Variants in INPP5A observed in about 807,000 individuals in gnomAD.
The protein encoded by INPP5A is inositol polyphosphate-5-phosphatase A.
A neutral mutation model predicts 65.2 loss-of-function variants in INPP5A; 14 were observed. That is an observed-to-expected ratio of 0.21 (90% CI 0.14 to 0.34). The LOEUF (loss-of-function observed/expected upper bound fraction) is 0.34. Among genes scored for constraint, INPP5A ranks in the 10% least tolerant of loss-of-function variants. The pLI is 1.00. For synonymous variants in INPP5A, 207 were observed against 208.3 expected, an observed-to-expected ratio of 0.99 and a Z score of 0.05; for missense variants, 431 against 545.6, an observed-to-expected ratio of 0.79 and a Z score of 2.09.
intron 1 of INPP5A, among the ~76,000 whole-genome samples, chr10:132,585,744 T>C (rs2071537418): frequency 6.6e-6 from 1 of 152,268 alleles, no homozygotes; most frequent in African/African-American, 2.4e-5. Flanking sequence ...TTCATTCTTT[T>C]TCCACATCCT....
Position 132,741,868 on chromosome 10 carries a change from G to A in INPP5A, c.733-7649G>A, listed in dbSNP as rs1460782805. Among the ~76,000 whole-genome samples the A allele has an allele frequency of 6.6e-6, 1 of 152,202 alleles. No homozygotes were observed. Among genetic ancestry groups the A allele is most frequent in the Non-Finnish European group, 1.5e-5 (1 of 68,048 alleles). On this transcript the variant is annotated intron_variant, in intron 9 of 15. Transcript: ENST00000368594. This position sits in a 1 kb window ranked among gnomAD's most constrained non-coding sequence, Gnocchi z 4.4. ...CTTTACTCCATAGCTGATATAAACT[G>A]CAGCTGGCTGCAGCACCCACGAATG...
intron 4 of INPP5A, among the ~76,000 whole-genome samples, chr10:132,666,597 T>C (rs543209431): frequency 8.3e-4 from 127 of 152,332 alleles, no homozygotes; most frequent in African/African-American, 3.0e-3. Flanking sequence ...TCTTTCCTTC[T>C]GGAGTGCAGC....
At chr10:132,609,754 C>T (rs1442007401) in intron 2 of INPP5A, among the ~76,000 whole-genome samples, 1 of 152,206 alleles carries the variant, frequency 6.6e-6, no homozygotes, top group African/African-American at 2.4e-5. Context: ...ACGCCATTCT[C>T]CTGCCTCAGC....
rs1389150365 is a variant in INPP5A at position 132,587,496 on chromosome 10, T to G, written c.76-20419T>G. Among the ~76,000 whole-genome samples, 1 of 152,138 alleles carries G rather than the reference T, an allele frequency of 6.6e-6. No individual in the cohort carries two copies. The highest frequency in any genetic ancestry group is 1.5e-5 in the Non-Finnish European group (1 of 68,022). On this transcript the variant is annotated intron_variant, in intron 1 of 15. Coordinates refer to ENST00000368594, the MANE Select transcript of INPP5A (RefSeq NM_005539.5). The surrounding 1 kb of genome is among the most constrained non-coding windows in gnomAD (Gnocchi z 4.3). ...GATGCGGCCATACCAGACGGAACCTTTGTCCACAGGGTCCCTGTAACCAGA... is the reference window on the plus strand; with the variant it reads ...GATGCGGCCATACCAGACGGAACCTGTGTCCACAGGGTCCCTGTAACCAGA...
At chr10:132,642,336 C>T (rs183864494) in intron 2 of INPP5A, among the ~76,000 whole-genome samples, 52 of 152,302 alleles carry the variant, frequency 3.4e-4, no homozygotes, top group East Asian at 9.7e-4. Context: ...CTGGTGTCCT[C>T]GGTTCTTCTC....
chr10:132,654,719 G>A (rs1032569259), intron 4 of INPP5A, among the ~76,000 whole-genome samples: 1 of 152,238 alleles, frequency 6.6e-6, no homozygotes, highest in East Asian at 1.9e-4. Context: ...ATTGAAAAAG[G>A]AAATTGAAAT....
At chr10:132,661,001 A>C (rs1465095709) in intron 4 of INPP5A, among the ~76,000 whole-genome samples, 1 of 152,124 alleles carries the variant, frequency 6.6e-6, no homozygotes, top group Non-Finnish European at 1.5e-5. Context: ...GAGGGAGGAA[A>C]ACCAGATCCC....
chr10:132,664,317 A>G (rs1338169554), intron 4 of INPP5A, among the ~76,000 whole-genome samples: 3 of 152,098 alleles, frequency 2.0e-5, no homozygotes, highest in African/African-American at 7.2e-5. Context: ...ATGAACAAAT[A>G]TTTTCTCCAA....
In INPP5A at chr10:132,729,991, C is replaced by T. The variant is rs532175007; in HGVS notation, c.732+3086C>T. 6.6e-4 allele frequency among the ~76,000 whole-genome samples: 101 copies of T among 152,336 alleles called. 2 individuals are homozygous for T. The South Asian group carries it at 7.9e-3, about 12-fold the overall frequency. ...AGTGAGCACCTGTGTCTGAGAGCCG[C>T]CCACACCACCATAAGCCTCACCAGC... On this transcript the variant is annotated intron_variant, in intron 9 of 15. Coordinates refer to ENST00000368594, the MANE Select transcript of INPP5A (RefSeq NM_005539.5).
chr10:132,680,979 T>C (rs1402346543), intron 4 of INPP5A, among the ~76,000 whole-genome samples: 1 of 152,188 alleles, frequency 6.6e-6, no homozygotes, highest in Non-Finnish European at 1.5e-5. Context: ...CCCGACGAGC[T>C]CCGCCCCCTG....
intron 4 of INPP5A, among the ~76,000 whole-genome samples, chr10:132,658,637 G>C (rs777977826): frequency 1.3e-5 from 2 of 152,122 alleles, no homozygotes; most frequent in Non-Finnish European, 2.9e-5. Context: ...TGAGTCCGCC[G>C]GCCCCCCGGG....
At chr10:132,619,744 A>G (rs1329196965) in intron 2 of INPP5A, among the ~76,000 whole-genome samples, 4 of 152,146 alleles carry the variant, frequency 2.6e-5, no homozygotes, top group Non-Finnish European at 5.9e-5. Context: ...CTGCAACTTC[A>G]GTCTCCCAGG....
At chr10:132,773,413 A>T (rs1368891577) in intron 12 of INPP5A, among the ~76,000 whole-genome samples, 1 of 152,244 alleles carries the variant, frequency 6.6e-6, no homozygotes, top group African/African-American at 2.4e-5. Flanking sequence ...TGAACTGCGC[A>T]GACAAGTCCA....
chr10:132,585,329 A>G (rs1198075630), intron 1 of INPP5A, among the ~76,000 whole-genome samples: 2 of 152,274 alleles, frequency 1.3e-5, no homozygotes, highest in Admixed American at 6.5e-5. Flanking sequence ...CATTGCGGTC[A>G]GAAACTAGGT....
intron 1 of INPP5A, among the ~76,000 whole-genome samples, chr10:132,589,759 G>A (rs1382126995): frequency 6.6e-6 from 1 of 152,266 alleles, no homozygotes; most frequent in African/African-American, 2.4e-5. Flanking sequence ...AGACAGACCA[G>A]AGGTGGCCTC....
intron 4 of INPP5A, among the ~76,000 whole-genome samples, chr10:132,672,482 A>T (rs1453875390): frequency 6.6e-6 from 1 of 152,048 alleles, no homozygotes; most frequent in Admixed American, 6.6e-5. Context: ...ATGAGATCTG[A>T]TGGTTTTACA....
At chr10:132,667,983 C>T (rs1329588125) in intron 4 of INPP5A, among the ~76,000 whole-genome samples, 1 of 152,208 alleles carries the variant, frequency 6.6e-6, no homozygotes, top group Non-Finnish European at 1.5e-5. Context: ...AATTCCGGAG[C>T]TTTGACCTTT....
chr10:132,615,697 G>A (rs1236277641), intron 2 of INPP5A, among the ~76,000 whole-genome samples: 1 of 152,158 alleles, frequency 6.6e-6, no homozygotes, highest in Non-Finnish European at 1.5e-5. Context: ...CTGGAGAGTG[G>A]GCAGCTGGGA....
intron 1 of INPP5A, among the ~76,000 whole-genome samples, chr10:132,570,129 T>C (rs189293022): frequency 6.7e-4 from 102 of 151,280 alleles, no homozygotes; most frequent in African/African-American, 2.2e-3. Flanking sequence ...GAATTTTTAG[T>C]AGAGACGGGG....
Sources: allele counts gnomAD v4.1 joint callset (sites outside exome capture counted in the v4.1 genomes callset), GRCh38; gene constraint gnomAD v4.1.1; non-coding constraint Gnocchi (gnomAD v3.1); transcripts MANE v1.5; gene names NCBI Gene and HGNC (gene_info 2026-07-23, HGNC 2026-07-21).